The following KLF8 variants were observed in gnomAD, a reference collection of about 807,000 sequenced individuals.
KLF8 encodes KLF transcription factor 8.
Under a neutral mutation model 18.2 loss-of-function variants are expected in KLF8, and 10 were observed. The ratio of observed to expected loss-of-function variants is 0.55; its 90% CI spans 0.34 to 0.93. The LOEUF (loss-of-function observed/expected upper bound fraction) is 0.93, where lower values mean the gene tolerates loss of function less well. Ranked by LOEUF, KLF8 falls within the 40% of genes least tolerant of loss-of-function variation. The pLI is 0.02. For missense variants in KLF8, 264 were observed against 277.9 expected (o/e 0.95, Z 0.36); for synonymous variants, 109 against 97.3 (o/e 1.12, Z -0.71).
chrX:56,135,241 C>A, the KLF8 span, among the ~76,000 whole-genome samples: 1 of 111,441 alleles, frequency 9.0e-6, no homozygotes, highest in Admixed American at 9.6e-5. Context: ...GCTATAAAGA[C>A]ACATGCACAC....
chrX:56,269,515 G>T (rs1208863942), intron 4 of KLF8, 26 bp downstream of exon 4: 8 of 1,128,349 alleles, frequency 7.1e-6, no homozygotes, highest in Non-Finnish European at 9.3e-6. Flanking sequence ...CTTCAAGTCT[G>T]TCTTTGTGTA....
At chrX:56,032,107 C>G in the KLF8 span, among the ~76,000 whole-genome samples, 1 of 110,855 alleles carries the variant, frequency 9.0e-6, no homozygotes, top group East Asian at 2.9e-4. Context: ...GGGTCTGGTG[C>G]CTGGCGCCGG....
chrX:56,259,056 G>A (rs941296781), intron 2 of KLF8, among the ~76,000 whole-genome samples: 2 of 111,408 alleles, frequency 1.8e-5, no homozygotes, highest in Admixed American at 9.5e-5. Context: ...TTTATTTTTC[G>A]TTTCTGATTA....
At chrX:56,092,203 A>G in the KLF8 span, among the ~76,000 whole-genome samples, 1 of 111,318 alleles carries the variant, frequency 9.0e-6, no homozygotes, top group African/African-American at 3.3e-5. Flanking sequence ...AGTTTCTTGT[A>G]GATTCCAGAT....
chrX:56,079,550 C>G, the KLF8 span, among the ~76,000 whole-genome samples: 2 of 111,258 alleles, frequency 1.8e-5, no homozygotes, highest in African/African-American at 3.3e-5. Flanking sequence ...CTGAGGAGAG[C>G]TTTACTTCCC....
the KLF8 span, among the ~76,000 whole-genome samples, chrX:55,929,122 A>G: frequency 4.4e-5 from 5 of 112,538 alleles, no homozygotes; most frequent in African/African-American, 1.3e-4. Flanking sequence ...CTAATGACCA[A>G]TGATGATGAG....
chrX:56,186,553 C>A, the KLF8 span, among the ~76,000 whole-genome samples: 1 of 111,529 alleles, frequency 9.0e-6, no homozygotes, highest in South Asian at 3.8e-4. Context: ...AACTCTCCAC[C>A]CCAAATCAGC....
the KLF8 span, among the ~76,000 whole-genome samples, chrX:56,168,165 G>T: frequency 3.6e-5 from 4 of 111,842 alleles, no homozygotes; most frequent in Middle Eastern, 9.2e-3. Context: ...AATTGCTTAG[G>T]CTTCTAAGTA....
chrX:55,970,393 C>A, the KLF8 span, among the ~76,000 whole-genome samples: 1 of 110,319 alleles, frequency 9.1e-6, no homozygotes, highest in African/African-American at 3.3e-5. Context: ...TTATAAAAAC[C>A]CTCAACAAAA....
the KLF8 span, among the ~76,000 whole-genome samples, chrX:56,132,791 G>A: frequency 3.6e-5 from 4 of 111,244 alleles, no homozygotes; most frequent in Non-Finnish European, 7.6e-5. Context: ...GAAAAGAAGA[G>A]AGAAGATCCA....
chrX:55,993,077 G>C, the KLF8 span, among the ~76,000 whole-genome samples: 2 of 110,637 alleles, frequency 1.8e-5, no homozygotes, highest in African/African-American at 6.6e-5. Context: ...CTTCTTTTTT[G>C]GCTGCCTTTT....
At chrX:56,158,498 A>G in the KLF8 span, among the ~76,000 whole-genome samples, 1 of 111,748 alleles carries the variant, frequency 8.9e-6, no homozygotes, top group African/African-American at 3.2e-5. Flanking sequence ...CCATTTTCAC[A>G]ATATTGATTC....
chrX:56,196,482 G>T, the KLF8 span, among the ~76,000 whole-genome samples: 1 of 111,754 alleles, frequency 8.9e-6, no homozygotes, highest in Admixed American at 9.5e-5. Flanking sequence ...AACCAACAAA[G>T]ATCAAAAGAG....
At chrX:56,038,230 T>A in the KLF8 span, among the ~76,000 whole-genome samples, 1 of 112,079 alleles carries the variant, frequency 8.9e-6, no homozygotes, top group East Asian at 2.8e-4. Context: ...CATTTTATTT[T>A]AAGTTCATGG....
At chrX:55,962,173 C>A in the KLF8 span, 1 of 160,028 alleles carries the variant, frequency 6.2e-6, no homozygotes, top group South Asian at 1.3e-4. Context: ...CAGATTGCTT[C>A]TACCATTCTT....
chrX:56,154,995 A>C, the KLF8 span, among the ~76,000 whole-genome samples: 3 of 112,230 alleles, frequency 2.7e-5, no homozygotes, highest in Non-Finnish European at 5.6e-5. Context: ...GAACACTTTT[A>C]CACTGTTGGT....
At chrX:56,152,366 C>T in the KLF8 span, among the ~76,000 whole-genome samples, 1 of 110,849 alleles carries the variant, frequency 9.0e-6, no homozygotes, top group African/African-American at 3.3e-5. Flanking sequence ...GACCTAAGCC[C>T]TGTAGACAAA....
the KLF8 span, among the ~76,000 whole-genome samples, chrX:56,151,060 G>C: frequency 9.0e-6 from 1 of 111,272 alleles, no homozygotes; most frequent in East Asian, 2.8e-4. Flanking sequence ...TATGGAGCAG[G>C]AGGGAGTATG....
the KLF8 span, among the ~76,000 whole-genome samples, chrX:56,112,048 C>T: frequency 4.5e-5 from 5 of 111,847 alleles, no homozygotes; most frequent in African/African-American, 1.6e-4. Flanking sequence ...TTTATTGTGG[C>T]ACTGTTCACA....
Sources: gnomAD v4.1 joint callset for allele counts (sites outside exome capture counted in the v4.1 genomes callset) on GRCh38, gnomAD v4.1.1 for gene constraint, MANE v1.5 for transcripts, NCBI Gene and HGNC (gene_info 2026-07-23, HGNC 2026-07-21) for gene names.